Variants in DNAJC28 observed in about 807,000 individuals in gnomAD.
DNAJC28 encodes DnaJ heat shock protein family (Hsp40) member C28.
DNAJC28 carries 24 observed loss-of-function variants against 33.3 expected under a neutral mutation model. The ratio of observed to expected loss-of-function variants is 0.72; its 90% CI spans 0.52 to 1.01. The LOEUF is 1.01. DNAJC28 is among the 50% of genes least tolerant of loss of function. The pLI is 0.00. For missense variants in DNAJC28, 442 were observed against 455.2 expected, an observed-to-expected ratio of 0.97 and a Z score of 0.26; for synonymous variants, 120 against 147.2, an observed-to-expected ratio of 0.82 and a Z score of 1.34.
chr21:33,488,534 G>A lies in DNAJC28; in HGVS notation c.860C>T (p.Pro287Leu). Residue 287 changes from proline (P) to leucine (L), a missense_variant, in exon 2 of 2, where the codon CCA becomes CTA. Physicochemically the swap from Pro to Leu is moderately conservative, Grantham distance 98. Transcript: ENST00000381947. ...ATGGTTCCACTGTTTCTTTTCAGTTGGTGTCATTGGATTCCCAAGTTTTTT... is the reference window on the plus strand; with the variant it reads ...ATGGTTCCACTGTTTCTTTTCAGTTAGTGTCATTGGATTCCCAAGTTTTTT... ...SRKKLGNPMT[P>L]TEKKQWNHVC... is the part of the protein sequence containing the mutation. 1 of 1,612,940 alleles carries A rather than the reference G, an allele frequency of 6.2e-7. No homozygotes were observed. The highest frequency in any genetic ancestry group is 8.5e-7 in the Non-Finnish European group (1 of 1,179,780).
intron 1 of DNAJC28, among the ~76,000 whole-genome samples, chr21:33,490,258 G>A (rs535805069): frequency 1.3e-4 from 19 of 150,970 alleles, no homozygotes; most frequent in African/African-American, 4.1e-4. Flanking sequence ...ACAGGTGCAC[G>A]ACACCACTCC....
intron 1 of DNAJC28, among the ~76,000 whole-genome samples, chr21:33,490,014 A>G (rs1301772764): frequency 6.6e-6 from 1 of 150,404 alleles, no homozygotes; most frequent in East Asian, 2.0e-4. Context: ...CCTGGTCTCC[A>G]ACTCCTGAGC....
chr21:33,490,120 CTTTT>C (rs899299286), intron 1 of DNAJC28, among the ~76,000 whole-genome samples: 2 of 132,848 alleles, frequency 1.5e-5, no homozygotes, highest in Admixed American at 7.5e-5. Context: ...CTTTTCTTTT[CTTTT>C]TTTTTTTTTT....
Sources: gnomAD v4.1 joint callset for allele counts (sites outside exome capture counted in the v4.1 genomes callset) on GRCh38, gnomAD v4.1.1 for gene constraint, MANE v1.5 for transcripts, NCBI Gene and HGNC (gene_info 2026-07-23, HGNC 2026-07-21) for gene names.